The following USP13 variants were observed in gnomAD, a reference collection of about 807,000 sequenced individuals.
The protein encoded by USP13 is ubiquitin specific peptidase 13.
In USP13, 68 loss-of-function variants were observed where a neutral mutation model predicts 107.8. The ratio of observed to expected loss-of-function variants is 0.63; its 90% CI spans 0.52 to 0.77. The LOEUF (loss-of-function observed/expected upper bound fraction) is 0.77. Ranked by LOEUF, USP13 falls within the 30% of genes least tolerant of loss-of-function variation. USP13 has a pLI of 0.00. For synonymous variants in USP13, 377 were observed against 389.5 expected, an observed-to-expected ratio of 0.97 and a Z score of 0.38; for missense variants, 945 against 1,093.3, an observed-to-expected ratio of 0.86 and a Z score of 1.91.
rs566718514 is a variant in USP13, at chr3:179,758,664, C to T, written c.1948+1586C>T. ...CAGGCGCCTGCCACCACAACCGGCT[C>T]ATTTTTTGTATTTTTAGTAGAGACG... On this transcript the variant is annotated intron_variant, in intron 16 of 20. Transcript: ENST00000263966. 9.2e-5 allele frequency among the ~76,000 whole-genome samples: 14 copies of T among 151,564 alleles called. No individual in the cohort carries two copies. The East Asian group carries it at 1.6e-3, about 17-fold the overall frequency.
At chr3:179,739,489 T>C (rs1458287385) in intron 10 of USP13, among the ~76,000 whole-genome samples, 1 of 152,148 alleles carries the variant, frequency 6.6e-6, no homozygotes, top group Non-Finnish European at 1.5e-5. Flanking sequence ...TCAGGAGGGG[T>C]CCTCTCCTAT....
chr3:179,733,304 G>C (rs1369941518), intron 10 of USP13, among the ~76,000 whole-genome samples: 1 of 152,216 alleles, frequency 6.6e-6, no homozygotes, highest in African/African-American at 2.4e-5. Flanking sequence ...AGACAAGTCG[G>C]TCTTTGGTCC....
intron 9 of USP13, 121 bp downstream of exon 9, chr3:179,730,381 C>A: frequency 9.0e-7 from 1 of 1,108,392 alleles, no homozygotes; most frequent in East Asian, 2.5e-5. Context: ...AAAAGTGTTC[C>A]AAAATGAGAA....
At chr3:179,750,320 A>ATATATATGTG (rs1274046632) in intron 13 of USP13, among the ~76,000 whole-genome samples, 2 of 40,796 alleles carry the variant, frequency 4.9e-5, no homozygotes, top group African/African-American at 1.5e-4. Flanking sequence ...ATATATATAT[A>ATATATATGTG]TGTGTGTATA....
At chr3:179,715,803 T>G (rs980187545) in intron 6 of USP13, among the ~76,000 whole-genome samples, 1 of 152,214 alleles carries the variant, frequency 6.6e-6, no homozygotes, top group Admixed American at 6.5e-5. Flanking sequence ...GCACTGACTC[T>G]GAGGAGAATC....
At chr3:179,718,547 C>T (rs1390966484) in intron 6 of USP13, among the ~76,000 whole-genome samples, 1 of 152,102 alleles carries the variant, frequency 6.6e-6, no homozygotes, top group Non-Finnish European at 1.5e-5. Flanking sequence ...CCACCTGTGG[C>T]CTTTATGAGC....
chr3:179,776,088 AT>A (rs748548570), intron 19 of USP13, among the ~76,000 whole-genome samples: 5 of 152,168 alleles, frequency 3.3e-5, no homozygotes, highest in African/African-American at 4.8e-5. Context: ...TCAACATGAG[AT>A]TTGGAGGGGA....
At chr3:179,703,439 C>G (rs1275120217) in intron 4 of USP13, among the ~76,000 whole-genome samples, 2 of 152,124 alleles carry the variant, frequency 1.3e-5, no homozygotes, top group Non-Finnish European at 2.9e-5. Context: ...TAGGTTCTAC[C>G]AGAAAGTTAA....
At position 179,784,432 on chromosome 3, in the gene USP13, C is replaced by T; in HGVS notation, c.*291C>T. ...TTGCTGGTGGAGGATCTGCCATCAG[C>T]ACATCAAAAATGGGGATGTGCCCCC... On this transcript the variant is annotated 3_prime_UTR_variant, in exon 21 of 21. Transcript: ENST00000263966. 3.9e-6 allele frequency: 1 copy of T among 253,280 alleles called. No homozygotes were observed. The highest frequency in any genetic ancestry group is 7.6e-6 in the Non-Finnish European group (1 of 131,706). The allele number at this position is 253,280 out of a possible 1,614,324, so 15.7% of individuals were successfully genotyped here. A position where few individuals can be genotyped will look rare whatever the true frequency, so the allele number is the denominator to read the frequency against.
chr3:179,709,821 G>A (rs567995421), intron 6 of USP13, among the ~76,000 whole-genome samples: 2 of 152,246 alleles, frequency 1.3e-5, no homozygotes, highest in East Asian at 1.9e-4. Flanking sequence ...GAGGTAAGAT[G>A]TTTTTAGGGG....
At chr3:179,744,249 G>A (rs191624221) in intron 12 of USP13, among the ~76,000 whole-genome samples, 13 of 152,210 alleles carry the variant, frequency 8.5e-5, no homozygotes, top group African/African-American at 2.4e-4. Context: ...ACCCATGTGG[G>A]ACCCATGACC....
rs1440300568 is a variant in USP13 at position 179,761,207 on chromosome 3, G to A, written c.2044G>A (p.Gly682Ser). The A allele has an allele frequency of 6.2e-7, 1 of 1,614,200 alleles. No homozygotes were observed. Among genetic ancestry groups the A allele is most frequent in the Non-Finnish European group, 8.5e-7 (1 of 1,180,044 alleles). ...RKAVYFTGNM[G>S]AEVAFNWIIV... Reference sequence around the variant, plus strand: ...GGCTGTGTACTTCACTGGAAATATGGGCGCCGAGGTGGCCTTCAACTGGAT... The same window carrying A: ...GGCTGTGTACTTCACTGGAAATATGAGCGCCGAGGTGGCCTTCAACTGGAT... Residue 682 changes from glycine (G) to serine (S), a missense_variant, in exon 17 of 21, where the codon GGC becomes AGC. By Grantham distance (56) the Gly-to-Ser change is moderately conservative. Coordinates refer to ENST00000263966, the MANE Select transcript of USP13 (RefSeq NM_003940.3).
rs1185768047 is a variant in USP13, at chr3:179,701,104, C to A, written c.452C>A (p.Pro151Gln). Residue 151 changes from proline (P) to glutamine (Q), a missense_variant, in exon 4 of 21, where the codon CCA becomes CAA. By Grantham distance (76) the Pro-to-Gln change is moderately conservative. Transcript: ENST00000263966. The part of the protein sequence containing the change: ...IFPDHYEIAL[P>Q]NIEELPALVT... ...CCAGATCACTATGAAATAGCACTAC[C>A]AAATATTGAGGAGTTACCAGCCCTG... 6.2e-7 allele frequency: 1 copy of A among 1,608,158 alleles called. No individual in the cohort carries two copies. The highest frequency in any genetic ancestry group is 1.3e-5 in the African/African-American group (1 of 74,134).
intron 16 of USP13, among the ~76,000 whole-genome samples, chr3:179,760,848 T>C (rs939929993): frequency 3.9e-5 from 6 of 152,206 alleles, no homozygotes; most frequent in African/African-American, 1.4e-4. Context: ...AATCTCCCCA[T>C]ATGAAATTAG....
Position 179,753,249 on chromosome 3 carries a change from C to G in USP13, c.1798+876C>G, listed in dbSNP as rs182571771. On this transcript the variant is annotated intron_variant, in intron 14 of 20. Transcript: ENST00000263966. Reference sequence around the variant, plus strand: ...GATGTAGAATCGGCTGGAGTGATTTCCTAGAGACCTCCGGCACTAACAGTT... The same window carrying G: ...GATGTAGAATCGGCTGGAGTGATTTGCTAGAGACCTCCGGCACTAACAGTT... 6.8e-3 allele frequency among the ~76,000 whole-genome samples: 1,029 copies of G among 152,314 alleles called. 11 individuals carry two copies. The highest frequency in any genetic ancestry group is 0.012 in the Non-Finnish European group (793 of 68,040).
At position 179,653,453 on chromosome 3, in the gene USP13, G is replaced by T. The variant is rs541447591; in HGVS notation, c.168+60G>T. The T allele has an allele frequency of 1.2e-3, 1,889 of 1,524,452 alleles. 23 individuals carry two copies. In the African/African-American group the frequency reaches 0.022, roughly 18 times the overall value. The allele number at this position is 1,524,452 out of a possible 1,614,324, so 94.4% of individuals were successfully genotyped here. On this transcript the variant is annotated intron_variant, in intron 1 of 20. Transcript: ENST00000263966. This position sits in a 1 kb window ranked among gnomAD's most constrained non-coding sequence, Gnocchi z 4.0. ...CGGCGGCCTGCGGCACGTGAAGCCGGGGGAGAAGATGCGCAGTGGCGGCCG... is the reference window on the plus strand; with the variant it reads ...CGGCGGCCTGCGGCACGTGAAGCCGTGGGAGAAGATGCGCAGTGGCGGCCG...
At chr3:179,712,690 A>C (rs564547739) in intron 6 of USP13, among the ~76,000 whole-genome samples, 41 of 151,950 alleles carry the variant, frequency 2.7e-4, no homozygotes, top group Admixed American at 1.6e-3. Flanking sequence ...TATATATGCA[A>C]ATCTTTGGGT....
chr3:179,767,520 G>T (rs1217685185), intron 19 of USP13, among the ~76,000 whole-genome samples: 1 of 151,862 alleles, frequency 6.6e-6, no homozygotes, highest in Non-Finnish European at 1.5e-5. Context: ...CACCTCCCAG[G>T]TTCAAGCGAT....
At chr3:179,757,132 G>A (rs1714836936) in intron 16 of USP13, 54 bp downstream of exon 16, 1 of 1,588,580 alleles carries the variant, frequency 6.3e-7, no homozygotes, top group Admixed American at 1.7e-5. Context: ...TTAATCTGAT[G>A]AATTTGTCTG....
Sources: gnomAD v4.1 joint callset for allele counts (sites outside exome capture counted in the v4.1 genomes callset) on GRCh38, gnomAD v4.1.1 for gene constraint, Gnocchi (gnomAD v3.1) non-coding constraint, MANE v1.5 for transcripts, NCBI Gene and HGNC (gene_info 2026-07-23, HGNC 2026-07-21) for gene names.